NCKAP5: variants seen among roughly 807,000 people sequenced by gnomAD.
NCKAP5 encodes NCK associated protein 5, also known as nck-associated protein 5.
Under a neutral mutation model 167.0 loss-of-function variants are expected in NCKAP5, and 92 were observed. That is an observed-to-expected ratio of 0.55 (90% CI 0.47 to 0.66). NCKAP5 has a LOEUF of 0.66. Among genes scored for constraint, NCKAP5 ranks in the 30% least tolerant of loss-of-function variants. NCKAP5 has a pLI of 0.00. For missense variants in NCKAP5, 2,378 were observed against 2,315.0 expected (o/e 1.03, Z -0.56); for synonymous variants, 891 against 877.4 (o/e 1.02, Z -0.27).
At chr2:133,384,407 T>C (rs1254706606) in intron 3 of NCKAP5, among the ~76,000 whole-genome samples, 3 of 152,320 alleles carry the variant, frequency 2.0e-5, no homozygotes. Context: ...TTCTGTTCCA[T>C]TGGTCTATAT....
At chr2:133,438,531 G>C (rs1322801899) in intron 3 of NCKAP5, among the ~76,000 whole-genome samples, 1 of 152,162 alleles carries the variant, frequency 6.6e-6, no homozygotes, top group Non-Finnish European at 1.5e-5. Flanking sequence ...TTCGCATAAA[G>C]TATAATAAGA....
intron 6 of NCKAP5, among the ~76,000 whole-genome samples, chr2:133,124,859 G>C (rs540728070): frequency 6.6e-6 from 1 of 152,238 alleles, no homozygotes; most frequent in South Asian, 2.1e-4. Context: ...ACCAGCCTGG[G>C]CAACATGGTA....
intron 2 of NCKAP5, among the ~76,000 whole-genome samples, chr2:133,524,961 A>G (rs563129566): frequency 6.6e-6 from 1 of 152,220 alleles, no homozygotes; most frequent in South Asian, 2.1e-4. Context: ...CATGCGCATG[A>G]GTATATGAGT....
At chr2:132,769,139 G>T (rs949120647) in intron 16 of NCKAP5, among the ~76,000 whole-genome samples, 1 of 151,516 alleles carries the variant, frequency 6.6e-6, no homozygotes, top group Non-Finnish European at 1.5e-5. Context: ...GTGGAGATGG[G>T]ATCTCACTAT....
In NCKAP5 at chr2:132,920,914, C is replaced by G. The variant is rs1234558623; in HGVS notation, c.580-41998G>C. ...TCTCCTTATTTAAAACTGTATTAAA[C>G]TGACAATTCTACTTGATTGAGATCC... is the stretch of plus-strand genomic sequence containing the variant. On this transcript the variant is annotated intron_variant, in intron 8 of 19. Coordinates refer to ENST00000409261, the MANE Select transcript of NCKAP5 (RefSeq NM_207363.3). Among the ~76,000 whole-genome samples, 10 of 148,098 alleles carry G rather than the reference C, an allele frequency of 6.8e-5. No individual in the cohort carries two copies. The Admixed American group carries it at 6.8e-4, about 10-fold the overall frequency.
intron 3 of NCKAP5, among the ~76,000 whole-genome samples, chr2:133,390,914 T>A (rs1687354330): frequency 2.0e-5 from 3 of 152,226 alleles, no homozygotes; most frequent in Admixed American, 6.5e-5. Flanking sequence ...TAGTTTTCAT[T>A]CACACATGCA....
At chr2:133,007,665 C>G (rs755331107) in intron 6 of NCKAP5, among the ~76,000 whole-genome samples, 1 of 151,952 alleles carries the variant, frequency 6.6e-6, no homozygotes, top group Non-Finnish European at 1.5e-5. Context: ...TCCTGGTTTC[C>G]CAGGACAGTT....
chr2:133,533,692 A>T (rs930055241), intron 2 of NCKAP5, among the ~76,000 whole-genome samples: 1 of 152,242 alleles, frequency 6.6e-6, no homozygotes. Context: ...AGCAATTATC[A>T]TAAGTTATAG....
intron 11 of NCKAP5, among the ~76,000 whole-genome samples, chr2:132,824,561 GAGA>G (rs945571561): frequency 6.6e-6 from 1 of 152,196 alleles, no homozygotes; most frequent in African/African-American, 2.4e-5. Context: ...AGAAAGAAGG[GAGA>G]AGAATATTGA....
At chr2:132,749,496 C>T (rs183980639) in intron 16 of NCKAP5, among the ~76,000 whole-genome samples, 26 of 152,244 alleles carry the variant, frequency 1.7e-4, no homozygotes, top group African/African-American at 5.8e-4. Flanking sequence ...TGCACCCAAC[C>T]GAATCTCACT....
chr2:132,824,302 C>T (rs1486945906), intron 11 of NCKAP5, among the ~76,000 whole-genome samples: 1 of 152,142 alleles, frequency 6.6e-6, no homozygotes. Context: ...TCTGCTCTGC[C>T]CTCTTTTACT....
chr2:133,350,623 T>C (rs562560639), intron 3 of NCKAP5, among the ~76,000 whole-genome samples: 2 of 152,270 alleles, frequency 1.3e-5, no homozygotes, highest in South Asian at 4.1e-4. Context: ...TATCCCATTT[T>C]ACATGTCAGC....
Position 132,796,718 on chromosome 2 carries a change from T to C in NCKAP5, c.819A>G (p.Ser273=), listed in dbSNP as rs1684637792. Residue 273 remains serine (S), a synonymous_variant, in exon 12 of 20, where the codon TCA becomes TCG. Coordinates refer to ENST00000409261, the MANE Select transcript of NCKAP5 (RefSeq NM_207363.3). ...TSDLLLQKLH[S]RLLDLSSGDL... ...CTCCAGATGAAAGATCCAAGAGACGTGAGTGAAGTTTCTAGGTAAAACCAA... is the reference window on the plus strand; with the variant it reads ...CTCCAGATGAAAGATCCAAGAGACGCGAGTGAAGTTTCTAGGTAAAACCAA... 6.2e-7 allele frequency: 1 copy of C among 1,610,562 alleles called. No homozygotes were observed. The highest frequency in any genetic ancestry group is 1.3e-5 in the African/African-American group (1 of 74,816).
At chr2:132,679,291 C>T (rs1449276361) in intron 19 of NCKAP5, among the ~76,000 whole-genome samples, 1 of 152,084 alleles carries the variant, frequency 6.6e-6, no homozygotes, top group Non-Finnish European at 1.5e-5. Flanking sequence ...AGTCTGATTC[C>T]AGAGGGAGAC....
chr2:133,095,113 C>G (rs1406780061), intron 6 of NCKAP5, among the ~76,000 whole-genome samples: 2 of 152,144 alleles, frequency 1.3e-5, no homozygotes, highest in Admixed American at 1.3e-4. Context: ...CTTCTGACCT[C>G]CACACCTGTG....
Position 133,441,486 on chromosome 2 carries a change from T to G in NCKAP5, c.69+75972A>C, listed in dbSNP as rs532695052. ...GCAAAAGGTGCTCTATTTAACTAACTGGAAGTCTTTGCAGCGTTAGGATAC... is the reference window on the plus strand; with the variant it reads ...GCAAAAGGTGCTCTATTTAACTAACGGGAAGTCTTTGCAGCGTTAGGATAC... On this transcript the variant is annotated intron_variant, in intron 3 of 19. Transcript: ENST00000409261. 3.9e-5 allele frequency among the ~76,000 whole-genome samples: 6 copies of G among 152,312 alleles called. No individual in the cohort carries two copies. In the South Asian group the frequency reaches 1.2e-3, roughly 32 times the overall value.
the NCKAP5 span, among the ~76,000 whole-genome samples, chr2:133,586,751 TCACACACACACACACACACACACACACA>T: frequency 7.1e-6 from 1 of 140,932 alleles, no homozygotes; most frequent in Non-Finnish European, 1.5e-5. Context: ...GACAGCAATA[TCACACACACACACACACACACACACACA>T]CACACACACA....
At chr2:133,175,920 A>G (rs1048951595) in intron 5 of NCKAP5, among the ~76,000 whole-genome samples, 1 of 152,204 alleles carries the variant, frequency 6.6e-6, no homozygotes, top group Admixed American at 6.5e-5. Flanking sequence ...TTGCTTCCCC[A>G]TTATTAGCAC....
intron 6 of NCKAP5, among the ~76,000 whole-genome samples, chr2:133,129,417 A>T (rs1285955539): frequency 1.3e-5 from 2 of 152,152 alleles, no homozygotes; most frequent in Non-Finnish European, 2.9e-5. Flanking sequence ...CCTACAAAGG[A>T]CATGAACTCT....
Sources: allele counts gnomAD v4.1 joint callset (sites outside exome capture counted in the v4.1 genomes callset), GRCh38; gene constraint gnomAD v4.1.1; transcripts MANE v1.5; gene names NCBI Gene and HGNC (gene_info 2026-07-23, HGNC 2026-07-21).